Variants in LRP1 observed in about 807,000 individuals in gnomAD.
The protein encoded by LRP1 is LDL receptor related protein 1, also known as prolow-density lipoprotein receptor-related protein 1.
A neutral mutation model predicts 541.5 loss-of-function variants in LRP1; 51 were observed. That is an observed-to-expected ratio of 0.09 (90% CI 0.08 to 0.12). LRP1 has a LOEUF of 0.12. Ranked by LOEUF, LRP1 falls within the 10% of genes least tolerant of loss-of-function variation. LRP1 has a pLI of 1.00. For missense variants in LRP1, 3,878 were observed against 6,376.2 expected (o/e 0.61, Z 13.34); for synonymous variants, 2,219 against 2,470.8 (o/e 0.90, Z 3.02).
chr12:57,199,569 G>T (rs546883521), intron 61 of LRP1, among the ~76,000 whole-genome samples, 169 bp downstream of exon 61: 2 of 152,278 alleles, frequency 1.3e-5, no homozygotes, highest in African/African-American at 4.8e-5. Flanking sequence ...GCTTCAGCCC[G>T]GCCTGGATCC....
rs997288695 is a variant in LRP1 at position 57,154,332 on chromosome 12, C to G, written c.966C>G (p.Leu322=). Residue 322 remains leucine (L), a synonymous_variant, in exon 7 of 89, where the codon CTC becomes CTG. Coordinates refer to ENST00000243077, the MANE Select transcript of LRP1 (RefSeq NM_002332.3). The surrounding 1 kb of genome is among the most constrained non-coding windows in gnomAD (Gnocchi z 4.6). The part of the protein sequence containing the change: ...DTCVTLLDLE[L]YNPKGIALDP... ...GTGTCACATTGCTAGACCTGGAACT[C>G]TACAACCCCAAGGGCATTGCCCTGG... The G allele has an allele frequency of 6.2e-7, 1 of 1,614,088 alleles. No homozygotes were observed. The highest frequency in any genetic ancestry group is 8.5e-7 in the Non-Finnish European group (1 of 1,179,906).
At position 57,179,382 on chromosome 12, in the gene LRP1, C is replaced by G; in HGVS notation, c.4792C>G (p.Leu1598Val). 1 of 1,614,224 alleles carries G rather than the reference C, an allele frequency of 6.2e-7. No individual in the cohort carries two copies. The highest frequency in any genetic ancestry group is 8.5e-7 in the Non-Finnish European group (1 of 1,180,034). ...TCAGATGGAGATCCGAGGTGTGGAC[C>G]TGGATGCTCCCTACTACAACTACAT... Reference protein sequence around the residue: ...ARQMEIRGVDLDAPYYNYIIS... With the variant: ...ARQMEIRGVDVDAPYYNYIIS... The change falls in exon 29 of 89, where the codon CTG becomes GTG. Residue 1598 changes from leucine to valine, a missense_variant. Physicochemically the swap from Leu to Val is conservative, Grantham distance 32. Around this residue, in one of 13 missense-constraint regions of LRP1, gnomAD observed 394 missense variants for 635.9 expected, o/e 0.62. Coordinates refer to ENST00000243077, the MANE Select transcript of LRP1 (RefSeq NM_002332.3). This position sits in a 1 kb window ranked among gnomAD's most constrained non-coding sequence, Gnocchi z 6.8.
At position 57,200,826 on chromosome 12, in the gene LRP1, G is replaced by GACCCCCCCC; in HGVS notation, c.10225+11_10225+12insACCCCCCCC. 1.3e-6 allele frequency: 2 copies of GACCCCCCCC among 1,581,436 alleles called. No individual in the cohort carries two copies. The highest frequency in any genetic ancestry group is 1.7e-6 in the Non-Finnish European group (2 of 1,157,680). On this transcript the variant is annotated intron_variant, in intron 64 of 88. Coordinates refer to ENST00000243077, the MANE Select transcript of LRP1 (RefSeq NM_002332.3). Reference sequence around the variant, plus strand: ...ACGAGGCCAACTGTGGTAAGGCGCTGCCCGCCCACCCTCCCTCCTTCCCCA... The same window carrying GACCCCCCCC: ...ACGAGGCCAACTGTGGTAAGGCGCTGACCCCCCCCCCCGCCCACCCTCCCTCCTTCCCCA...
chr12:57,166,415 G>C (rs189742396), intron 17 of LRP1: 7 of 605,912 alleles, frequency 1.2e-5, no homozygotes, highest in Non-Finnish European at 1.9e-5. Context: ...TAAAAAAACT[G>C]CCGGGCGTGG....
chr12:57,197,649 C>T lies in LRP1; in HGVS notation c.9267C>T (p.Asn3089=), dbSNP rs199877223. 5.6e-5 allele frequency: 91 copies of T among 1,613,832 alleles called. No homozygotes were observed. The highest frequency in any genetic ancestry group is 6.8e-5 in the Non-Finnish European group (80 of 1,179,992). The change falls in exon 58 of 89, where the codon AAC becomes AAT. Residue 3089 remains asparagine (N), a synonymous_variant. Coordinates refer to ENST00000243077, the MANE Select transcript of LRP1 (RefSeq NM_002332.3). This position sits in a 1 kb window ranked among gnomAD's most constrained non-coding sequence, Gnocchi z 4.5. ...GCATGATCCGAAGGATGCACCTTAACGGGAGCAATGTGCAGGTGAGGCGGG... is the reference window on the plus strand; with the variant it reads ...GCATGATCCGAAGGATGCACCTTAATGGGAGCAATGTGCAGGTGAGGCGGG... ...QGSMIRRMHL[N]GSNVQVLHRT...
intron 2 of LRP1, among the ~76,000 whole-genome samples, chr12:57,139,807 A>G (rs575836510): frequency 6.4e-4 from 98 of 152,330 alleles, no homozygotes; most frequent in Non-Finnish European, 1.2e-3. Context: ...ACATACCAAC[A>G]TAGAGACACA....
At chr12:57,135,643 G>A (rs993212263) in intron 1 of LRP1, among the ~76,000 whole-genome samples, 3 of 152,168 alleles carry the variant, frequency 2.0e-5, no homozygotes, top group African/African-American at 7.2e-5. Context: ...CCAGGCCCTC[G>A]GGAGATGTGG....
At chr12:57,203,560 G>T in intron 70 of LRP1, 39 bp downstream of exon 70, 1 of 1,470,222 alleles carries the variant, frequency 6.8e-7, no homozygotes, top group East Asian at 2.5e-5. Flanking sequence ...TCCTCCCTCT[G>T]CTGCCCACCC....
At position 57,162,611 on chromosome 12, in the gene LRP1, C is replaced by T; in HGVS notation, c.2404+93C>T. The T allele has an allele frequency of 7.1e-7, 1 of 1,413,490 alleles. No homozygotes were observed. Among genetic ancestry groups the T allele is most frequent in the East Asian group, 2.4e-5 (1 of 42,100 alleles). The allele number at this position is 1,413,490 out of a possible 1,614,324, so 87.6% of individuals were successfully genotyped here. A position where few individuals can be genotyped will look rare whatever the true frequency, so the allele number is the denominator to read the frequency against. Reference sequence around the variant, plus strand: ...GACTTCCCTGGGAGTGAAGGCACTTCCCAGGGATCCTAGGCTCTGACTTTT... The same window carrying T: ...GACTTCCCTGGGAGTGAAGGCACTTTCCAGGGATCCTAGGCTCTGACTTTT... On this transcript the variant is annotated intron_variant, in intron 14 of 88. Coordinates refer to ENST00000243077, the MANE Select transcript of LRP1 (RefSeq NM_002332.3). The surrounding 1 kb of genome is among the most constrained non-coding windows in gnomAD (Gnocchi z 5.2).
chr12:57,196,289 C>T lies in LRP1; in HGVS notation c.8892+12C>T, dbSNP rs574052497. ...AGATCGGCTTCAAGGTATGCCCAGC[C>T]CTGGGGAGGAGCTTCCACACCCCAG... On this transcript the variant is annotated intron_variant, in intron 55 of 88. Transcript: ENST00000243077. The T allele has an allele frequency of 1.3e-5, 21 of 1,558,146 alleles. No homozygotes were observed. The East Asian group carries it at 4.4e-4, about 32-fold the overall frequency.
At position 57,204,830 on chromosome 12, in the gene LRP1, T is replaced by G; in HGVS notation, c.11194+81T>G. ...AGTCTGGTCCTCGTGGGAGCTGCACTGGGGTTAGGGTTAACCAGGAGGACT... is the reference window on the plus strand; with the variant it reads ...AGTCTGGTCCTCGTGGGAGCTGCACGGGGGTTAGGGTTAACCAGGAGGACT... On this transcript the variant is annotated intron_variant, in intron 72 of 88. Transcript: ENST00000243077. The surrounding 1 kb of genome is among the most constrained non-coding windows in gnomAD (Gnocchi z 5.3). 5 of 1,584,974 alleles carry G rather than the reference T, an allele frequency of 3.2e-6. No homozygotes were observed. Among genetic ancestry groups the G allele is most frequent in the Non-Finnish European group, 4.3e-6 (5 of 1,159,782 alleles).
chr12:57,180,547 G>A, intron 32 of LRP1, 68 bp downstream of exon 32: 1 of 1,607,458 alleles, frequency 6.2e-7, no homozygotes, highest in South Asian at 1.1e-5. Flanking sequence ...GGAGACAGGG[G>A]CTGGCTTGGG....
In LRP1 at chr12:57,199,357, G is replaced by C; in HGVS notation, c.9822G>C (p.Arg3274=). 5 of 1,612,716 alleles carry C rather than the reference G, an allele frequency of 3.1e-6. No individual in the cohort carries two copies. Among genetic ancestry groups the C allele is most frequent in the Non-Finnish European group, 4.2e-6 (5 of 1,179,786 alleles). Reference sequence around the variant, plus strand: ...CGCTCCTCATCAGCACGCTGCACCGGCCCATGGACCTGCATGTCTTCCATG... The same window carrying C: ...CGCTCCTCATCAGCACGCTGCACCGCCCCATGGACCTGCATGTCTTCCATG... The part of the protein sequence containing the change: ...NKTLLISTLH[R]PMDLHVFHAL... Residue 3274 remains arginine, a synonymous_variant, in exon 61 of 89, where the codon CGG becomes CGC. Coordinates refer to ENST00000243077, the MANE Select transcript of LRP1 (RefSeq NM_002332.3).
chr12:57,179,618 C>A lies in LRP1; in HGVS notation c.4966+62C>A, dbSNP rs2036121449. 1.3e-6 allele frequency: 2 copies of A among 1,505,210 alleles called. No homozygotes were observed. The highest frequency in any genetic ancestry group is 1.4e-5 in the African/African-American group (1 of 72,838). 93.2% of individuals were successfully genotyped at this position (1,505,210 alleles called of 1,614,324 possible). A position where few individuals can be genotyped will look rare whatever the true frequency, so the allele number is the denominator to read the frequency against. Reference sequence around the variant, plus strand: ...GGCACCTCCACCCGCCCCTTGCTCCCAACCCTGGTCTACTTGGTCCGAGTG... The same window carrying A: ...GGCACCTCCACCCGCCCCTTGCTCCAAACCCTGGTCTACTTGGTCCGAGTG... On this transcript the variant is annotated intron_variant, in intron 29 of 88. Transcript: ENST00000243077. This position sits in a 1 kb window ranked among gnomAD's most constrained non-coding sequence, Gnocchi z 6.8.
intron 6 of LRP1, among the ~76,000 whole-genome samples, chr12:57,152,838 T>A (rs905256624): frequency 5.3e-5 from 8 of 152,208 alleles, no homozygotes; most frequent in African/African-American, 1.9e-4. Flanking sequence ...GTCCTGTGAC[T>A]CTGAGTCAGT....
chr12:57,166,010 G>A, intron 16 of LRP1, 65 bp downstream of exon 16: 1 of 1,612,742 alleles, frequency 6.2e-7, no homozygotes, highest in Non-Finnish European at 8.5e-7. Context: ...GGCTCTGGCA[G>A]TGCCTATACT....
rs571826241 is a variant in LRP1 at position 57,128,566 on chromosome 12, A to T, written c.-399A>T. The T allele has an allele frequency of 1.2e-3, 494 of 398,046 alleles. 1 individual carries two copies. The highest frequency in any genetic ancestry group is 9.6e-3 in the African/African-American group (459 of 47,996). 24.7% of individuals were successfully genotyped at this position (398,046 alleles called of 1,614,324 possible). On this transcript the variant is annotated 5_prime_UTR_variant, in exon 1 of 89. Transcript: ENST00000243077. ...CAAGGGGAGCCCCCAGAGCTCCATC[A>T]AGCCCCCTCCAAAGGCTCCCCTACC... is the stretch of plus-strand genomic sequence containing the variant.
Position 57,203,085 on chromosome 12 carries a change from C to T in LRP1, c.10712-96C>T, listed in dbSNP as rs375802437. The T allele has an allele frequency of 1.2e-5, 11 of 904,670 alleles. No individual in the cohort carries two copies. In the African/African-American group the frequency reaches 1.3e-4, roughly 11 times the overall value. 56.0% of individuals were successfully genotyped at this position (904,670 alleles called of 1,614,324 possible). A position where few individuals can be genotyped will look rare whatever the true frequency, so the allele number is the denominator to read the frequency against. ...GTCAGTCAGCTGTGGCCTTCAGAGA[C>T]ACGGGGATGGGCCTTGGGCTCGGGA... On this transcript the variant is annotated intron_variant, in intron 68 of 88. Coordinates refer to ENST00000243077, the MANE Select transcript of LRP1 (RefSeq NM_002332.3).
chr12:57,169,026 G>A (rs1565730165), intron 19 of LRP1, 114 bp from the exon 20 acceptor site: 4 of 825,202 alleles, frequency 4.8e-6, no homozygotes, highest in South Asian at 1.6e-5. Context: ...TTCCCAGTGG[G>A]GGGGTTAGGG....
Sources: gnomAD v4.1 joint callset for allele counts (sites outside exome capture counted in the v4.1 genomes callset) on GRCh38, gnomAD v4.1.1 for gene constraint, gnomAD v4.1.1 regional missense constraint, Gnocchi (gnomAD v3.1) non-coding constraint, MANE v1.5 for transcripts, NCBI Gene and HGNC (gene_info 2026-07-23, HGNC 2026-07-21) for gene names.